INSYN2A: variants seen among roughly 807,000 people sequenced by gnomAD.
The protein encoded by INSYN2A is family with sequence similarity 196 member A.
A neutral mutation model predicts 39.4 loss-of-function variants in INSYN2A; 17 were observed. That is an observed-to-expected ratio of 0.43 (90% CI 0.30 to 0.65). The LOEUF is 0.65. INSYN2A is among the 30% of genes least tolerant of loss of function. The pLI is 0.14. For missense variants in INSYN2A, 595 were observed against 631.2 expected (o/e 0.94, Z 0.61); for synonymous variants, 255 against 265.7 (o/e 0.96, Z 0.39).
At chr10:127,177,651 C>T (rs2055298788) in intron 2 of INSYN2A, among the ~76,000 whole-genome samples, 1 of 152,204 alleles carries the variant, frequency 6.6e-6, no homozygotes, top group African/African-American at 2.4e-5. Flanking sequence ...TTGCCCCCAG[C>T]CCAGCTGCCG....
At chr10:127,190,151 A>T (rs568338884) in intron 2 of INSYN2A, among the ~76,000 whole-genome samples, 1 of 152,228 alleles carries the variant, frequency 6.6e-6, no homozygotes, top group Non-Finnish European at 1.5e-5. Flanking sequence ...AAATTCAAAG[A>T]CATTCTTTCT....
chr10:127,139,961 A>T (rs1403023523), intron 5 of INSYN2A, among the ~76,000 whole-genome samples: 2 of 152,238 alleles, frequency 1.3e-5, no homozygotes, highest in African/African-American at 4.8e-5. Flanking sequence ...CAACTTGGAC[A>T]TTTAACAAGG....
At chr10:127,161,863 A>G (rs1216946884) in intron 4 of INSYN2A, among the ~76,000 whole-genome samples, 1 of 152,184 alleles carries the variant, frequency 6.6e-6, no homozygotes. Context: ...ACAAATGAAA[A>G]AATATAATTG....
chr10:127,137,848 A>G lies in INSYN2A; in HGVS notation c.1429T>C (p.Trp477Arg), dbSNP rs1156541439. 3 of 1,613,592 alleles carry G rather than the reference A, an allele frequency of 1.9e-6. No homozygotes were observed. Among genetic ancestry groups the G allele is most frequent in the Non-Finnish European group, 2.5e-6 (3 of 1,179,896 alleles). Residue 477 changes from tryptophan to arginine, a missense_variant, in exon 6 of 6, where the codon TGG becomes CGG. Trp to Arg is a moderately radical substitution (Grantham distance 101). Coordinates refer to ENST00000522781, the MANE Select transcript of INSYN2A (RefSeq NM_001039762.3). ...ESKKHGRWKL[W>R]FL ...AGACACCGTGAGTGTTAAAGGAACC[A>G]GAGTTTCCATCTTCCGTGCTTTTTA...
intron 5 of INSYN2A, among the ~76,000 whole-genome samples, chr10:127,150,747 T>C (rs1440901930): frequency 2.6e-5 from 4 of 152,176 alleles, no homozygotes; most frequent in South Asian, 4.2e-4. Flanking sequence ...TTGGAAAGAG[T>C]GGGGTACCAC....
At chr10:127,192,902 T>C (rs560828020) in intron 1 of INSYN2A, among the ~76,000 whole-genome samples, 172 bp from the exon 2 acceptor site, 1 of 152,346 alleles carries the variant, frequency 6.6e-6, no homozygotes, top group Non-Finnish European at 1.5e-5. Flanking sequence ...AAGAACAATG[T>C]ACATTTTAAA....
At chr10:127,147,402 C>A (rs1201778636) in intron 5 of INSYN2A, among the ~76,000 whole-genome samples, 2 of 152,200 alleles carry the variant, frequency 1.3e-5, no homozygotes, top group Non-Finnish European at 2.9e-5. Flanking sequence ...CCACGATTAT[C>A]TTGTTTTCTT....
At chr10:127,174,792 T>C (rs1016025397) in intron 4 of INSYN2A, among the ~76,000 whole-genome samples, 4 of 152,240 alleles carry the variant, frequency 2.6e-5, no homozygotes, top group Non-Finnish European at 5.9e-5. Context: ...CACATGAAAT[T>C]TCCTTTCTCT....
At chr10:127,185,387 G>A (rs1239958697) in intron 2 of INSYN2A, among the ~76,000 whole-genome samples, 2 of 152,042 alleles carry the variant, frequency 1.3e-5, no homozygotes, top group African/African-American at 2.4e-5. Flanking sequence ...TTAGCTGGGC[G>A]TGGTGATGCG....
chr10:127,139,144 T>G (rs2050983227), intron 5 of INSYN2A, among the ~76,000 whole-genome samples: 2 of 152,228 alleles, frequency 1.3e-5, no homozygotes, highest in Non-Finnish European at 2.9e-5. Flanking sequence ...TCAGCGTTGA[T>G]GATAATGCAT....
Position 127,176,369 on chromosome 10 carries a change from G to C in INSYN2A, c.27C>G (p.Cys9Trp), listed in dbSNP as rs775627557. The change falls in exon 4 of 6, where the codon TGC (cysteine) becomes TGG (tryptophan). Residue 9 changes from cysteine to tryptophan, a missense_variant. By Grantham distance (215) the Cys-to-Trp change is radical (BLOSUM62 -2). Transcript: ENST00000522781. The surrounding 1 kb of genome is among the most constrained non-coding windows in gnomAD (Gnocchi z 4.4). Reference protein sequence around the residue: MVSKDTGKCILTTSESEVE... With the variant: MVSKDTGKWILTTSESEVE... ...CTTCACTCTCCGACGTTGTGAGTAT[G>C]CATTTGCCGGTGTCCTTACTGACCA... is the stretch of plus-strand genomic sequence containing the variant. 17 of 1,611,072 alleles carry C rather than the reference G, an allele frequency of 1.1e-5. No individual in the cohort carries two copies. The highest frequency in any genetic ancestry group is 9.3e-6 in the Non-Finnish European group (11 of 1,179,072).
chr10:127,183,690 G>T (rs1274369658), intron 2 of INSYN2A, among the ~76,000 whole-genome samples: 1 of 152,168 alleles, frequency 6.6e-6, no homozygotes, highest in Non-Finnish European at 1.5e-5. Context: ...GCTATTCATT[G>T]CAAGTGTGCA....
At chr10:127,152,009 A>G (rs574686033) in intron 5 of INSYN2A, among the ~76,000 whole-genome samples, 11 of 7,010 alleles carry the variant, frequency 1.6e-3, no homozygotes, top group African/African-American at 1.9e-3. Flanking sequence ...AACAGTGTTC[A>G]CATATATATA....
chr10:127,156,838 G>A (rs1172244089), intron 4 of INSYN2A, among the ~76,000 whole-genome samples: 7 of 152,112 alleles, frequency 4.6e-5, no homozygotes, highest in African/African-American at 1.7e-4. Context: ...AAAGTGTTGG[G>A]ATTACAGGCG....
intron 4 of INSYN2A, among the ~76,000 whole-genome samples, 159 bp from the exon 5 acceptor site, chr10:127,154,082 C>T (rs576515192): frequency 5.3e-5 from 8 of 152,276 alleles, no homozygotes; most frequent in Admixed American, 3.3e-4. Flanking sequence ...TCTCTGCTTT[C>T]GTTGTACAAA....
At chr10:127,139,496 T>C (rs925249902) in intron 5 of INSYN2A, among the ~76,000 whole-genome samples, 4 of 152,202 alleles carry the variant, frequency 2.6e-5, no homozygotes, top group Non-Finnish European at 5.9e-5. Flanking sequence ...AGTTATGCTC[T>C]AATTTATAGG....
chr10:127,145,697 G>T (rs985656535), intron 5 of INSYN2A, among the ~76,000 whole-genome samples: 20 of 152,166 alleles, frequency 1.3e-4, no homozygotes, highest in African/African-American at 4.8e-4. Flanking sequence ...CAGTGTTGGT[G>T]TGAAGGCTAC....
intron 5 of INSYN2A, among the ~76,000 whole-genome samples, chr10:127,152,789 G>A (rs960610319): frequency 2.6e-5 from 4 of 152,196 alleles, no homozygotes; most frequent in Non-Finnish European, 4.4e-5. Flanking sequence ...GTGGCCTTCG[G>A]TGCCTATCTC....
intron 4 of INSYN2A, among the ~76,000 whole-genome samples, chr10:127,170,316 G>C (rs1431250649): frequency 1.3e-5 from 2 of 152,138 alleles, no homozygotes; most frequent in African/African-American, 4.8e-5. Flanking sequence ...ATGTTTAAGG[G>C]CCTGGGGTCC....
Sources: allele counts gnomAD v4.1 joint callset (sites outside exome capture counted in the v4.1 genomes callset), GRCh38; gene constraint gnomAD v4.1.1; non-coding constraint Gnocchi (gnomAD v3.1); transcripts MANE v1.5; gene names NCBI Gene and HGNC (gene_info 2026-07-23, HGNC 2026-07-21).